PDGFD: variants seen among roughly 807,000 people sequenced by gnomAD.
The protein encoded by PDGFD is platelet derived growth factor D.
Under a neutral mutation model 44.7 loss-of-function variants are expected in PDGFD, and 30 were observed. The observed-to-expected ratio is 0.67, with a 90% CI of 0.50 to 0.91. PDGFD has a LOEUF of 0.91. Ranked by LOEUF, PDGFD falls within the 40% of genes least tolerant of loss-of-function variation. The probability of loss-of-function intolerance (pLI) is 0.00; values close to 1 mark genes in which losing one functional copy is unlikely to be tolerated. For synonymous variants in PDGFD, 173 were observed against 168.4 expected, an observed-to-expected ratio of 1.03 and a Z score of -0.21; for missense variants, 445 against 457.8, an observed-to-expected ratio of 0.97 and a Z score of 0.25.
intron 6 of PDGFD, among the ~76,000 whole-genome samples, chr11:103,924,408 A>G (rs1489260140): frequency 6.6e-6 from 1 of 152,254 alleles, no homozygotes; most frequent in Non-Finnish European, 1.5e-5. Context: ...TCTAGAGTTC[A>G]TCAGTTCATA....
At chr11:104,137,728 C>CTTTTTTTTTTTTTTTTTTTTTTTTT (rs5794295) in intron 1 of PDGFD, among the ~76,000 whole-genome samples, 1 of 76,618 alleles carries the variant, frequency 1.3e-5, no homozygotes, top group African/African-American at 4.7e-5. Context: ...TAGATCACCA[C>CTTTTTTTTTTTTTTTTTTTTTTTTT]TTTTTTTTTT....
chr11:103,982,777 C>CAAGCTGAG (rs1336301144), intron 3 of PDGFD, among the ~76,000 whole-genome samples: 1 of 151,720 alleles, frequency 6.6e-6, no homozygotes, highest in East Asian at 1.9e-4. Flanking sequence ...CAACAACAGG[C>CAAGCTGAG]AAGCTGAGAG....
chr11:104,044,015 A>AAGG (rs1335318972), intron 1 of PDGFD, among the ~76,000 whole-genome samples: 1 of 152,240 alleles, frequency 6.6e-6, no homozygotes, highest in East Asian at 1.9e-4. Context: ...GGCTTACACA[A>AAGG]TAGGCGAACA....
At chr11:103,980,598 C>G (rs947897828) in intron 3 of PDGFD, among the ~76,000 whole-genome samples, 7 of 151,950 alleles carry the variant, frequency 4.6e-5, no homozygotes, top group African/African-American at 1.7e-4. Context: ...ATGGGATTCT[C>G]TAGTGTTTTT....
At chr11:103,987,130 T>C (rs1351146559) in intron 3 of PDGFD, among the ~76,000 whole-genome samples, 1 of 151,142 alleles carries the variant, frequency 6.6e-6, no homozygotes, top group Non-Finnish European at 1.5e-5. Context: ...CAGAGACTGA[T>C]TTGAGTAATA....
intron 1 of PDGFD, among the ~76,000 whole-genome samples, chr11:104,131,453 A>C (rs1163771964): frequency 6.6e-6 from 1 of 152,192 alleles, no homozygotes; most frequent in Non-Finnish European, 1.5e-5. Flanking sequence ...AGTATCAGTT[A>C]AATAAGCTAA....
intron 1 of PDGFD, chr11:104,036,957 C>T (rs539829271): frequency 6.2e-7 from 1 of 1,614,236 alleles, no homozygotes; most frequent in African/African-American, 1.3e-5. Context: ...TCGAAGAGAT[C>T]CAGATCATCC....
At chr11:103,935,259 G>A (rs1858471071) in intron 5 of PDGFD, among the ~76,000 whole-genome samples, 1 of 152,270 alleles carries the variant, frequency 6.6e-6, no homozygotes, top group African/African-American at 2.4e-5. Flanking sequence ...TGAAAGCAGA[G>A]GTGGCACAGG....
chr11:103,997,158 A>G (rs778364052), intron 2 of PDGFD, among the ~76,000 whole-genome samples: 1 of 152,144 alleles, frequency 6.6e-6, no homozygotes, highest in Non-Finnish European at 1.5e-5. Flanking sequence ...TATTTCTTTC[A>G]GTTTTGGTCA....
intron 1 of PDGFD, among the ~76,000 whole-genome samples, chr11:104,071,344 G>A (rs1860873568): frequency 6.6e-6 from 1 of 151,134 alleles, no homozygotes; most frequent in Admixed American, 6.6e-5. Context: ...ATGTGTATAT[G>A]TATTATATTT....
At chr11:104,058,384 A>C (rs1169548290) in intron 1 of PDGFD, among the ~76,000 whole-genome samples, 6 of 152,248 alleles carry the variant, frequency 3.9e-5, no homozygotes, top group Non-Finnish European at 2.9e-5. Flanking sequence ...GCACATGAGC[A>C]CATAAAAAGA....
chr11:104,132,652 C>A (rs1208322402), intron 1 of PDGFD, among the ~76,000 whole-genome samples: 1 of 152,066 alleles, frequency 6.6e-6, no homozygotes, highest in Non-Finnish European at 1.5e-5. Context: ...TAATATACAT[C>A]TTTATATCAT....
chr11:104,001,454 C>A (rs555936410), intron 1 of PDGFD, among the ~76,000 whole-genome samples: 15 of 152,286 alleles, frequency 9.8e-5, no homozygotes, highest in Admixed American at 7.8e-4. Flanking sequence ...AATATCAAAC[C>A]TGGGGGTTTA....
At chr11:104,134,124 C>G (rs562588557) in intron 1 of PDGFD, among the ~76,000 whole-genome samples, 13 of 146,666 alleles carry the variant, frequency 8.9e-5, no homozygotes, top group South Asian at 2.1e-4. Flanking sequence ...TTTCCATCAC[C>G]CTTTTCAAGT....
intron 3 of PDGFD, among the ~76,000 whole-genome samples, chr11:103,988,314 T>C (rs1043096275): frequency 2.6e-5 from 4 of 151,778 alleles, no homozygotes; most frequent in African/African-American, 7.3e-5. Context: ...ACTTGTTGCA[T>C]GCCCATATAA....
chr11:103,920,086 T>C (rs1858190068), intron 6 of PDGFD, among the ~76,000 whole-genome samples: 1 of 152,148 alleles, frequency 6.6e-6, no homozygotes, highest in South Asian at 2.1e-4. Flanking sequence ...AGGACTGATA[T>C]CAAGTCCCAA....
intron 1 of PDGFD, among the ~76,000 whole-genome samples, chr11:104,132,800 A>G (rs1422137254): frequency 6.6e-6 from 1 of 151,466 alleles, no homozygotes; most frequent in African/African-American, 2.4e-5. Context: ...AAATAAATCA[A>G]CCTCCTTAAT....
chr11:104,083,128 G>C (rs561863230), intron 1 of PDGFD, among the ~76,000 whole-genome samples: 1 of 152,166 alleles, frequency 6.6e-6, no homozygotes, highest in South Asian at 2.1e-4. Flanking sequence ...TCATTTTGTT[G>C]CTAGTAGAAA....
At chr11:104,160,596 G>A (rs1862374384) in intron 1 of PDGFD, among the ~76,000 whole-genome samples, 1 of 152,174 alleles carries the variant, frequency 6.6e-6, no homozygotes, top group South Asian at 2.1e-4. Flanking sequence ...AAGTAAATCA[G>A]TTTGAGCGAG....
Sources: allele counts gnomAD v4.1 joint callset (sites outside exome capture counted in the v4.1 genomes callset), GRCh38; gene constraint gnomAD v4.1.1; transcripts MANE v1.5; gene names NCBI Gene and HGNC (gene_info 2026-07-23, HGNC 2026-07-21).